Variants in PRKDC observed in about 807,000 individuals in gnomAD.
PRKDC encodes the protein DNA-dependent protein kinase catalytic subunit.
A neutral mutation model predicts 486.9 loss-of-function variants in PRKDC; 82 were observed. That is an observed-to-expected ratio of 0.17 (90% CI 0.14 to 0.20). The LOEUF (loss-of-function observed/expected upper bound fraction) is 0.20. Ranked by LOEUF, PRKDC falls within the 10% of genes least tolerant of loss-of-function variation. The pLI is 1.00. For missense variants in PRKDC, 4,504 were observed against 5,038.2 expected, an observed-to-expected ratio of 0.89 and a Z score of 3.21; for synonymous variants, 1,895 against 1,837.0, an observed-to-expected ratio of 1.03 and a Z score of -0.81.
chr8:47,835,386 G>A (rs184962571), intron 58 of PRKDC, among the ~76,000 whole-genome samples: 4 of 151,948 alleles, frequency 2.6e-5, no homozygotes, highest in African/African-American at 9.6e-5. Context: ...AAAACAGGCT[G>A]GGCGTGGTGG....
intron 16 of PRKDC, among the ~76,000 whole-genome samples, chr8:47,932,765 C>G (rs895775186): frequency 1.3e-5 from 2 of 151,500 alleles, no homozygotes; most frequent in Non-Finnish European, 2.9e-5. Flanking sequence ...GAATAAGAAA[C>G]AAATGAACCT....
At chr8:47,814,564 A>T (rs1331858327) in intron 68 of PRKDC, among the ~76,000 whole-genome samples, 2 of 152,214 alleles carry the variant, frequency 1.3e-5, no homozygotes, top group African/African-American at 2.4e-5. Context: ...ATACAATTTT[A>T]AAAATAAATC....
At chr8:47,906,297 T>C (rs1010908443) in intron 25 of PRKDC, among the ~76,000 whole-genome samples, 2 of 152,106 alleles carry the variant, frequency 1.3e-5, no homozygotes, top group African/African-American at 4.8e-5. Context: ...TAGGGAACTA[T>C]GACTGCACTA....
At chr8:47,788,297 G>T (rs2086826247) in intron 76 of PRKDC, among the ~76,000 whole-genome samples, 1 of 152,240 alleles carries the variant, frequency 6.6e-6, no homozygotes. Flanking sequence ...GGGAGAGAAG[G>T]AGCCAAGCAG....
In PRKDC at chr8:47,857,273, C is replaced by T. The variant is rs1328197818; in HGVS notation, c.6492G>A (p.Trp2164Ter). The change falls in exon 49 of 86, where the codon TGG becomes TGA. Residue 2164 changes from tryptophan (W) to a stop codon, truncating the protein, a stop_gained. Coordinates refer to ENST00000314191, the MANE Select transcript of PRKDC (RefSeq NM_006904.7). LOFTEE classifies it high-confidence loss of function. ...CAGCCAGCTGCAGCAAGGGGCTAAGCCAGTGCTTCGCGTAAGGGCGAAAGA... is the reference window on the plus strand; with the variant it reads ...CAGCCAGCTGCAGCAAGGGGCTAAGTCAGTGCTTCGCGTAAGGGCGAAAGA... Reference protein sequence around the residue: ...EEVFRPYAKHWLSPLLQLAAS... With the variant: ...EEVFRPYAKH 6.2e-7 allele frequency: 1 copy of T among 1,613,108 alleles called. No individual in the cohort carries two copies. Among genetic ancestry groups the T allele is most frequent in the African/African-American group, 1.3e-5 (1 of 74,894 alleles).
chr8:47,959,511 T>C (rs1271374569), intron 1 of PRKDC, among the ~76,000 whole-genome samples: 2 of 151,864 alleles, frequency 1.3e-5, no homozygotes, highest in Non-Finnish European at 2.9e-5. Flanking sequence ...ACCCCATCTC[T>C]ACTAAAAATA....
Position 47,800,956 on chromosome 8 carries a change from T to C in PRKDC, c.9953A>G (p.Lys3318Arg), listed in dbSNP as rs2087094465. ...CTGGTCACGGAAAGCCAGAATATTT[T>C]TGCTTAAGTAGCTTGACACGTTGTT... Reference protein sequence around the residue: ...DENNVSSYLSKNILAFRDQNI... With the variant: ...DENNVSSYLSRNILAFRDQNI... Residue 3318 changes from lysine to arginine, a missense_variant, in exon 71 of 86, where the codon AAA (lysine) becomes AGA (arginine). Coordinates refer to ENST00000314191, the MANE Select transcript of PRKDC (RefSeq NM_006904.7). The C allele has an allele frequency of 6.2e-7, 1 of 1,613,902 alleles. No homozygotes were observed. Among genetic ancestry groups the C allele is most frequent in the Non-Finnish European group, 8.5e-7 (1 of 1,179,898 alleles).
At chr8:47,821,069 T>C in intron 65 of PRKDC, 126 bp from the exon 66 acceptor site, 3 of 587,198 alleles carry the variant, frequency 5.1e-6, no homozygotes, top group South Asian at 4.7e-5. Flanking sequence ...GCGATGATGT[T>C]TGATGTCTGA....
intron 83 of PRKDC, 109 bp from the exon 84 acceptor site, chr8:47,777,983 A>G (rs776338313): frequency 1.5e-5 from 15 of 1,031,360 alleles, no homozygotes; most frequent in Non-Finnish European, 1.7e-5. Flanking sequence ...TAGTAAAAAT[A>G]CAGACTCTGC....
chr8:47,847,657 T>C (rs1045104387), intron 54 of PRKDC, among the ~76,000 whole-genome samples: 2 of 151,986 alleles, frequency 1.3e-5, no homozygotes, highest in Non-Finnish European at 2.9e-5. Context: ...CCTAGTTAAA[T>C]TAAAGAGATT....
chr8:47,842,802 G>T (rs2088178654), intron 54 of PRKDC, among the ~76,000 whole-genome samples: 1 of 152,194 alleles, frequency 6.6e-6, no homozygotes, highest in Non-Finnish European at 1.5e-5. Flanking sequence ...AGATCCAGGA[G>T]AAGGCTGAAA....
At chr8:47,836,845 A>G (rs912681676) in intron 57 of PRKDC, among the ~76,000 whole-genome samples, 1 of 152,256 alleles carries the variant, frequency 6.6e-6, no homozygotes, top group Non-Finnish European at 1.5e-5. Context: ...CACACGTGCC[A>G]CTGGGACAGA....
Position 47,952,534 on chromosome 8 carries a change from A to C in PRKDC, c.721+1086T>G, listed in dbSNP as rs530034026. ...GCTAATCAATCTGTTCAATACCTTG[A>C]TTACAATGGTACATACACGTGACAG... On this transcript the variant is annotated intron_variant, in intron 7 of 85. Transcript: ENST00000314191. Among the ~76,000 whole-genome samples the C allele has an allele frequency of 3.3e-5, 5 of 152,292 alleles. No homozygotes were observed. In the East Asian group the frequency reaches 9.6e-4, roughly 29 times the overall value.
intron 45 of PRKDC, 62 bp from the exon 46 acceptor site, chr8:47,859,821 C>A: frequency 7.0e-7 from 1 of 1,438,450 alleles, no homozygotes; most frequent in South Asian, 1.3e-5. Flanking sequence ...AAATGTATTT[C>A]TCTAAATTCA....
At chr8:47,881,562 C>T (rs762181206) in intron 37 of PRKDC, 42 bp from the exon 38 acceptor site, 1 of 1,011,112 alleles carries the variant, frequency 9.9e-7, no homozygotes, top group Non-Finnish European at 1.5e-6. Flanking sequence ...TTGTATATTA[C>T]ATCTCTATTT....
At position 47,908,404 on chromosome 8, in the gene PRKDC, T is replaced by C. The variant is rs564677703; in HGVS notation, c.2935-3428A>G. ...CATTATACATGTTACAATGTTGGTTTTGTGCCATTCAGTAGTCTTAAACAT... is the reference window on the plus strand; with the variant it reads ...CATTATACATGTTACAATGTTGGTTCTGTGCCATTCAGTAGTCTTAAACAT... On this transcript the variant is annotated intron_variant, in intron 25 of 85. Transcript: ENST00000314191. Among the ~76,000 whole-genome samples, 441 of 152,372 alleles carry C rather than the reference T, an allele frequency of 2.9e-3. 3 individuals are homozygous for C. Among genetic ancestry groups the C allele is most frequent in the African/African-American group, 0.01 (432 of 41,592 alleles).
chr8:47,919,539 G>T (rs1357044351), intron 21 of PRKDC, among the ~76,000 whole-genome samples: 1 of 152,190 alleles, frequency 6.6e-6, no homozygotes, highest in East Asian at 1.9e-4. Context: ...CAGGTGAGCT[G>T]CGCCGCGGGA....
At chr8:47,912,352 A>G in intron 25 of PRKDC, 58 bp downstream of exon 25, 1 of 1,464,128 alleles carries the variant, frequency 6.8e-7, no homozygotes, top group East Asian at 2.5e-5. Context: ...CTGACCACTG[A>G]ATTAGACAAA....
chr8:47,852,836 C>T, intron 51 of PRKDC, 52 bp from the exon 52 acceptor site: 2 of 1,177,380 alleles, frequency 1.7e-6, no homozygotes, highest in East Asian at 2.6e-5. Context: ...TTCTGTTGTT[C>T]CACAAATATA....
Sources: gnomAD v4.1 joint callset for allele counts (sites outside exome capture counted in the v4.1 genomes callset) on GRCh38, gnomAD v4.1.1 for gene constraint, MANE v1.5 for transcripts, NCBI Gene and HGNC (gene_info 2026-07-23, HGNC 2026-07-21) for gene names.